Variants in MBNL2 observed in about 807,000 individuals in gnomAD.
MBNL2 encodes muscleblind-like protein 2.
Under a neutral mutation model 41.9 loss-of-function variants are expected in MBNL2, and 17 were observed. The observed-to-expected ratio is 0.41, with a 90% CI of 0.28 to 0.61. The LOEUF (loss-of-function observed/expected upper bound fraction) is 0.61, where lower values mean the gene tolerates loss of function less well. Among genes scored for constraint, MBNL2 ranks in the 20% least tolerant of loss-of-function variants. MBNL2 has a pLI of 0.35. For missense variants in MBNL2, 336 were observed against 505.6 expected, an observed-to-expected ratio of 0.66 and a Z score of 3.22; for synonymous variants, 195 against 182.9, an observed-to-expected ratio of 1.07 and a Z score of -0.53.
chr13:97,334,241 T>G lies in MBNL2; in HGVS notation c.175-35T>G. The G allele has an allele frequency of 6.4e-7, 1 of 1,573,540 alleles. No individual in the cohort carries two copies. Among genetic ancestry groups the G allele is most frequent in the Non-Finnish European group, 8.6e-7 (1 of 1,158,544 alleles). Reference sequence around the variant, plus strand: ...GTTGACTTTGGAGTTGCAAGCTACTTAAAATAGTCCTAAAACCAACACTTG... The same window carrying G: ...GTTGACTTTGGAGTTGCAAGCTACTGAAAATAGTCCTAAAACCAACACTTG... On this transcript the variant is annotated intron_variant, in intron 2 of 8. Coordinates refer to ENST00000679496, the MANE Select transcript of MBNL2 (RefSeq NM_001382683.1). The surrounding 1 kb of genome is among the most constrained non-coding windows in gnomAD (Gnocchi z 5.3).
intron 8 of MBNL2, among the ~76,000 whole-genome samples, chr13:97,374,538 C>T (rs1373775123): frequency 6.6e-5 from 10 of 151,532 alleles, no homozygotes; most frequent in South Asian, 6.3e-4. Flanking sequence ...GGATTATAGT[C>T]GCCCGCCACC....
chr13:97,376,882 A>C (rs527413956), intron 8 of MBNL2, among the ~76,000 whole-genome samples: 1 of 152,236 alleles, frequency 6.6e-6, no homozygotes, highest in East Asian at 1.9e-4. Context: ...CCAGATGGGC[A>C]AAGTGGCTTA....
At chr13:97,220,293 C>T (rs937411355), upstream of MBNL2, among the ~76,000 whole-genome samples, 1 of 152,162 alleles carries the variant, frequency 6.6e-6, no homozygotes, top group African/African-American at 2.4e-5. Context: ...CTCAGGCAAG[C>T]TAACTACAGA....
the MBNL2 span, among the ~76,000 whole-genome samples, chr13:97,159,166 CTT>C: frequency 6.6e-6 from 1 of 152,036 alleles, no homozygotes; most frequent in Non-Finnish European, 1.5e-5. Flanking sequence ...TTCTTTGTCT[CTT>C]TTGATCTTTG....
the MBNL2 span, among the ~76,000 whole-genome samples, chr13:97,213,811 G>A: frequency 6.6e-6 from 1 of 152,220 alleles, no homozygotes; most frequent in Non-Finnish European, 1.5e-5. Flanking sequence ...GCACTGACAA[G>A]TCTTTCCTTC....
chr13:97,350,323 T>C (rs1374880168), intron 5 of MBNL2, among the ~76,000 whole-genome samples: 4 of 152,232 alleles, frequency 2.6e-5, no homozygotes, highest in African/African-American at 9.6e-5. Context: ...GTGGAAGGTC[T>C]TGCCTCGATG....
intron 8 of MBNL2, among the ~76,000 whole-genome samples, chr13:97,389,176 A>G (rs1390055933): frequency 6.6e-6 from 1 of 152,204 alleles, no homozygotes; most frequent in Non-Finnish European, 1.5e-5. Context: ...AGACTGATTT[A>G]CAGTCCAATT....
chr13:97,182,785 G>A, the MBNL2 span, among the ~76,000 whole-genome samples: 2 of 152,134 alleles, frequency 1.3e-5, no homozygotes, highest in Admixed American at 1.3e-4. Context: ...GGTTGTTATT[G>A]CACAAAACAC....
At chr13:97,290,293 T>A (rs1202706764) in intron 2 of MBNL2, among the ~76,000 whole-genome samples, 3 of 151,746 alleles carry the variant, frequency 2.0e-5, no homozygotes, top group African/African-American at 7.3e-5. Flanking sequence ...GGCACACCGC[T>A]GGAAATACAG....
At chr13:97,247,583 G>C (rs1055885084) in intron 1 of MBNL2, among the ~76,000 whole-genome samples, 1 of 152,166 alleles carries the variant, frequency 6.6e-6, no homozygotes. Context: ...TGGAGCATTA[G>C]AATATTCCAA....
At chr13:97,283,913 T>C (rs1274195564) in intron 2 of MBNL2, among the ~76,000 whole-genome samples, 2 of 152,138 alleles carry the variant, frequency 1.3e-5, no homozygotes, top group Non-Finnish European at 2.9e-5. Context: ...AGTGAGGATT[T>C]TCAGGGCATC....
intron 8 of MBNL2, among the ~76,000 whole-genome samples, chr13:97,381,479 T>C (rs753379804): frequency 1.3e-5 from 2 of 151,960 alleles, no homozygotes; most frequent in Admixed American, 6.6e-5. Flanking sequence ...TTGAGCAGGA[T>C]TGGACATTTT....
At chr13:97,198,657 C>T in the MBNL2 span, among the ~76,000 whole-genome samples, 2 of 151,994 alleles carry the variant, frequency 1.3e-5, no homozygotes, top group African/African-American at 2.4e-5. Flanking sequence ...TTCCCATAGT[C>T]TTCTCATTCG....
At chr13:97,165,962 TTC>T in the MBNL2 span, among the ~76,000 whole-genome samples, 1 of 152,226 alleles carries the variant, frequency 6.6e-6, no homozygotes, top group Non-Finnish European at 1.5e-5. Flanking sequence ...ATCATTGAAA[TTC>T]TGTTTGCCTC....
intron 2 of MBNL2, among the ~76,000 whole-genome samples, chr13:97,323,789 T>A (rs576373360): frequency 1.1e-4 from 16 of 152,084 alleles, no homozygotes; most frequent in South Asian, 2.1e-4. Flanking sequence ...AAAAAAAAAA[T>A]TTTGTGGGTA....
chr13:97,343,663 T>C (rs144573670), intron 4 of MBNL2, among the ~76,000 whole-genome samples: 219 of 152,320 alleles, frequency 1.4e-3, no homozygotes, highest in African/African-American at 5.2e-3. Context: ...TAAGTGGGAC[T>C]ACAACTATTT....
intron 8 of MBNL2, among the ~76,000 whole-genome samples, chr13:97,386,297 A>G (rs986611234): frequency 2.6e-5 from 4 of 152,252 alleles, no homozygotes; most frequent in African/African-American, 9.6e-5. Context: ...AGTAAAGCTG[A>G]TGAGGACACA....
At chr13:97,204,000 T>C in the MBNL2 span, among the ~76,000 whole-genome samples, 1 of 152,134 alleles carries the variant, frequency 6.6e-6, no homozygotes, top group Admixed American at 6.5e-5. Context: ...GGTAAATAAG[T>C]ACTAAAAGAA....
intron 5 of MBNL2, among the ~76,000 whole-genome samples, chr13:97,349,509 T>TA (rs2062223810): frequency 1.3e-5 from 2 of 152,148 alleles, no homozygotes; most frequent in Admixed American, 6.5e-5. Context: ...AGAACACATT[T>TA]TTCCACAAAA....
Sources: allele counts gnomAD v4.1 joint callset (sites outside exome capture counted in the v4.1 genomes callset), GRCh38; gene constraint gnomAD v4.1.1; non-coding constraint Gnocchi (gnomAD v3.1); transcripts MANE v1.5; gene names NCBI Gene and HGNC (gene_info 2026-07-23, HGNC 2026-07-21).